The following TMEM71 variants were observed in gnomAD, a reference collection of about 807,000 sequenced individuals.
TMEM71 encodes the protein transmembrane protein 71.
In TMEM71, 44 loss-of-function variants were observed where a neutral mutation model predicts 38.0. That is an observed-to-expected ratio of 1.16 (90% confidence interval 0.91 to 1.49). The LOEUF (loss-of-function observed/expected upper bound fraction) is 1.49, where lower values mean the gene tolerates loss of function less well. Among genes scored for constraint, TMEM71 ranks in the 40% most tolerant of loss-of-function variants. The pLI, the probability that TMEM71 is intolerant of heterozygous loss-of-function variation, is 0.00. For missense variants in TMEM71, 367 were observed against 348.6 expected, an observed-to-expected ratio of 1.05 and a Z score of -0.42; for synonymous variants, 133 against 122.5, an observed-to-expected ratio of 1.09 and a Z score of -0.56.
chr8:132,757,552 C>T (rs1253038126), intron 2 of TMEM71, among the ~76,000 whole-genome samples: 2 of 152,012 alleles, frequency 1.3e-5, no homozygotes, highest in African/African-American at 2.4e-5. Flanking sequence ...AAGTTCCGGG[C>T]GCAGTGTCTC....
chr8:132,752,100 A>G, intron 3 of TMEM71, 103 bp from the exon 4 acceptor site: 1 of 909,734 alleles, frequency 1.1e-6, no homozygotes, highest in South Asian at 1.5e-5. Context: ...CTTTGCATCC[A>G]TGACTGTCAA....
chr8:132,769,333 CA>C, the TMEM71 span, among the ~76,000 whole-genome samples: 1 of 152,182 alleles, frequency 6.6e-6, no homozygotes, highest in Admixed American at 6.5e-5. Flanking sequence ...TATTTAGCTT[CA>C]TATTGTGTTT....
chr8:132,724,323 G>A (rs1022858086), intron 6 of TMEM71, among the ~76,000 whole-genome samples: 7 of 152,070 alleles, frequency 4.6e-5, no homozygotes, highest in East Asian at 3.9e-4. Context: ...TTATCTCAAC[G>A]GCATAGGACA....
chr8:132,715,176 G>A (rs1178736697), intron 7 of TMEM71, among the ~76,000 whole-genome samples: 1 of 151,930 alleles, frequency 6.6e-6, no homozygotes, highest in Non-Finnish European at 1.5e-5. Flanking sequence ...GGAGGCCGAG[G>A]CGGGCGGATC....
upstream of TMEM71, among the ~76,000 whole-genome samples, chr8:132,760,910 A>G (rs141204118): frequency 1.3e-5 from 2 of 152,370 alleles, no homozygotes; most frequent in East Asian, 3.9e-4. Flanking sequence ...ACATTCAGTT[A>G]TAAGTAGTGC....
the TMEM71 span, among the ~76,000 whole-genome samples, chr8:132,772,792 T>C: frequency 6.6e-6 from 1 of 152,212 alleles, no homozygotes; most frequent in Non-Finnish European, 1.5e-5. Context: ...AAATATATAA[T>C]GAAGTAGTGA....
At chr8:132,752,700 A>G (rs1425470797) in intron 3 of TMEM71, among the ~76,000 whole-genome samples, 1 of 150,474 alleles carries the variant, frequency 6.6e-6, no homozygotes, top group African/African-American at 2.5e-5. Context: ...GCCTGTGAAT[A>G]GCCACTGCAC....
At chr8:132,769,940 A>G in the TMEM71 span, among the ~76,000 whole-genome samples, 49,958 of 152,156 alleles carry the variant, frequency 0.33, 8,460 homozygotes, top group South Asian at 0.46. Flanking sequence ...GGATGCCACT[A>G]AATTGCTGCT....
chr8:132,718,523 G>A (rs546059128), intron 7 of TMEM71, among the ~76,000 whole-genome samples: 6 of 150,714 alleles, frequency 4.0e-5, no homozygotes, highest in South Asian at 4.2e-4. Flanking sequence ...TCAGCCTCCC[G>A]AGTAGCTGGG....
intron 3 of TMEM71, among the ~76,000 whole-genome samples, chr8:132,752,474 G>A (rs1828768919): frequency 6.6e-6 from 1 of 152,124 alleles, no homozygotes; most frequent in African/African-American, 2.4e-5. Flanking sequence ...TTCCCTCCAG[G>A]CTGGCTGTAC....
chr8:132,742,763 C>G (rs1272773250), intron 5 of TMEM71, among the ~76,000 whole-genome samples: 3 of 152,120 alleles, frequency 2.0e-5, no homozygotes, highest in Non-Finnish European at 4.4e-5. Context: ...TTAATTCAGG[C>G]CCATTTGTTG....
chr8:132,722,547 G>A (rs1826915600), intron 6 of TMEM71, among the ~76,000 whole-genome samples: 1 of 152,194 alleles, frequency 6.6e-6, no homozygotes, highest in African/African-American at 2.4e-5. Flanking sequence ...AACGCTGTGA[G>A]GTGGATGCCA....
intron 9 of TMEM71, among the ~76,000 whole-genome samples, chr8:132,711,200 T>C (rs1307074530): frequency 1.3e-5 from 2 of 152,200 alleles, no homozygotes; most frequent in Admixed American, 6.5e-5. Flanking sequence ...CTCTCCTTTT[T>C]GTCTGAAAGA....
At chr8:132,733,149 T>G (rs1827552628) in intron 5 of TMEM71, among the ~76,000 whole-genome samples, 1 of 152,184 alleles carries the variant, frequency 6.6e-6, no homozygotes, top group South Asian at 2.1e-4. Context: ...GAATACATAA[T>G]TTCTGTGTGT....
chr8:132,767,433 C>T, the TMEM71 span, among the ~76,000 whole-genome samples: 41,855 of 150,516 alleles, frequency 0.28, 6,596 homozygotes, highest in South Asian at 0.45. Context: ...CTTCCTGTGT[C>T]AATATTCATG....
intron 1 of TMEM71, chr8:132,760,258 G>A (rs879598019): frequency 7.2e-5 from 11 of 151,990 alleles, no homozygotes; most frequent in South Asian, 2.1e-4. Context: ...CCATCAAAGC[G>A]ACACATCTAT....
chr8:132,742,462 C>T (rs1024068126), intron 5 of TMEM71, among the ~76,000 whole-genome samples: 1 of 152,248 alleles, frequency 6.6e-6, no homozygotes, highest in Non-Finnish European at 1.5e-5. Flanking sequence ...ACAGCTAACA[C>T]TGCCTCCTCT....
the TMEM71 span, among the ~76,000 whole-genome samples, chr8:132,768,159 A>T: frequency 5.9e-5 from 9 of 152,326 alleles, no homozygotes; most frequent in South Asian, 1.9e-3. Context: ...ACACTGGAAT[A>T]GTTCATGTCC....
At chr8:132,706,045 T>C (rs371961420), downstream of TMEM71, among the ~76,000 whole-genome samples, 1 of 152,266 alleles carries the variant, frequency 6.6e-6, no homozygotes, top group African/African-American at 2.4e-5. Flanking sequence ...GAGGAGACAC[T>C]GGATCTTTCT....
Sources: allele counts gnomAD v4.1 joint callset (sites outside exome capture counted in the v4.1 genomes callset), GRCh38; gene constraint gnomAD v4.1.1; transcripts MANE v1.5; gene names NCBI Gene and HGNC (gene_info 2026-07-23, HGNC 2026-07-21).